Variants in AK5 observed in about 807,000 individuals in gnomAD.
The protein encoded by AK5 is adenylate kinase isoenzyme 5.
In AK5, 27 loss-of-function variants were observed where a neutral mutation model predicts 69.5. The observed-to-expected ratio is 0.39, with a 90% CI of 0.29 to 0.54. The LOEUF (loss-of-function observed/expected upper bound fraction) is 0.54. AK5 is among the 20% of genes least tolerant of loss of function. The pLI is 0.71. For synonymous variants in AK5, 260 were observed against 244.4 expected, an observed-to-expected ratio of 1.06 and a Z score of -0.60; for missense variants, 531 against 700.4, an observed-to-expected ratio of 0.76 and a Z score of 2.73.
At chr1:77,304,162 CCCCTTATTACCGA>C (rs1291646885) in intron 5 of AK5, among the ~76,000 whole-genome samples, 2 of 152,150 alleles carry the variant, frequency 1.3e-5, no homozygotes. Context: ...ACATCCGCAA[CCCCTTATTACCGA>C]CCCTTCCTGG....
Position 77,417,685 on chromosome 1 carries a change from C to A in AK5, c.1029C>A (p.Ile343=). ...DPSMILDTGE[I]IDTGSDYEDQ... ...CGATGATATTGGACACTGGAGAGATCATTGATACAGGATCTGATTATGAAG... is the reference window on the plus strand; with the variant it reads ...CGATGATATTGGACACTGGAGAGATAATTGATACAGGATCTGATTATGAAG... The change falls in exon 8 of 14, where the codon ATC becomes ATA. Residue 343 remains isoleucine, a synonymous_variant. Transcript: ENST00000354567. 3 of 1,607,558 alleles carry A rather than the reference C, an allele frequency of 1.9e-6. No homozygotes were observed. In the South Asian group the frequency reaches 3.3e-5, roughly 18 times the overall value.
intron 12 of AK5, among the ~76,000 whole-genome samples, chr1:77,529,454 A>G (rs1309823273): frequency 2.0e-5 from 3 of 151,252 alleles, no homozygotes; most frequent in Admixed American, 2.0e-4. Flanking sequence ...CTGCCTCAGC[A>G]GCGGGGATTA....
chr1:77,436,745 A>G (rs1482005418), intron 8 of AK5, among the ~76,000 whole-genome samples: 1 of 152,052 alleles, frequency 6.6e-6, no homozygotes, highest in Non-Finnish European at 1.5e-5. Flanking sequence ...TTTAACAATT[A>G]TAACTATATT....
intron 8 of AK5, among the ~76,000 whole-genome samples, chr1:77,474,194 C>T (rs1337925227): frequency 6.6e-6 from 1 of 152,206 alleles, no homozygotes; most frequent in African/African-American, 2.4e-5. Flanking sequence ...ATAGCAACTG[C>T]TCAGCAGTCT....
intron 6 of AK5, among the ~76,000 whole-genome samples, chr1:77,368,879 G>A (rs922843063): frequency 6.7e-6 from 1 of 148,252 alleles, no homozygotes; most frequent in African/African-American, 2.4e-5. Context: ...AACAATTAAA[G>A]GTGGTTATGT....
chr1:77,521,832 C>T lies in AK5; in HGVS notation c.1317C>T (p.Ile439=), dbSNP rs538601394. 1.6e-5 allele frequency: 26 copies of T among 1,613,092 alleles called. No individual in the cohort carries two copies. Among genetic ancestry groups the T allele is most frequent in the South Asian group, 2.2e-5 (2 of 91,004 alleles). The stretch of plus-strand genomic sequence containing the variant: ...CCACTCTCGCTTTGCTCCAGGGCAT[C>T]GTTTTGGAGCTCCTGAAGGAGGCCA... The part of the protein sequence containing the change: ...MERGDLVPSG[I]VLELLKEAMV... Residue 439 remains isoleucine (I), a synonymous_variant, in exon 12 of 14, where the codon ATC becomes ATT. Coordinates refer to ENST00000354567, the MANE Select transcript of AK5 (RefSeq NM_174858.3).
At chr1:77,427,995 T>G (rs898099627) in intron 8 of AK5, among the ~76,000 whole-genome samples, 1 of 152,168 alleles carries the variant, frequency 6.6e-6, no homozygotes, top group Non-Finnish European at 1.5e-5. Flanking sequence ...TCATGAAGGA[T>G]CTGCCTCCAT....
At chr1:77,391,432 C>G (rs1280024762) in intron 6 of AK5, among the ~76,000 whole-genome samples, 1 of 95,592 alleles carries the variant, frequency 1.0e-5, no homozygotes, top group Non-Finnish European at 2.0e-5. Context: ...TATATATATA[C>G]ATATATACAT....
chr1:77,501,513 C>A (rs1326530093), intron 10 of AK5, among the ~76,000 whole-genome samples: 2 of 152,172 alleles, frequency 1.3e-5, no homozygotes, highest in African/African-American at 4.8e-5. Flanking sequence ...CAAACCCATA[C>A]AGCATGTTAC....
chr1:77,481,362 T>G (rs1171506231), intron 8 of AK5, among the ~76,000 whole-genome samples: 1 of 152,128 alleles, frequency 6.6e-6, no homozygotes, highest in African/African-American at 2.4e-5. Flanking sequence ...ACAAGGGAAG[T>G]GGTGGAGAGG....
intron 6 of AK5, among the ~76,000 whole-genome samples, chr1:77,365,812 G>C (rs1455163111): frequency 6.6e-6 from 1 of 152,170 alleles, no homozygotes; most frequent in Non-Finnish European, 1.5e-5. Context: ...GGGGACCTCT[G>C]CTCTAGGTGA....
intron 8 of AK5, among the ~76,000 whole-genome samples, chr1:77,425,090 A>G (rs1451213494): frequency 2.6e-5 from 4 of 152,222 alleles, no homozygotes; most frequent in Non-Finnish European, 5.9e-5. Context: ...GAAACTTTGC[A>G]TGCAGGAAGA....
intron 8 of AK5, among the ~76,000 whole-genome samples, chr1:77,470,004 A>G (rs1654364527): frequency 6.6e-6 from 1 of 152,250 alleles, no homozygotes; most frequent in Admixed American, 6.5e-5. Context: ...ATGGTGCAGG[A>G]AAGGACAAAC....
intron 10 of AK5, among the ~76,000 whole-genome samples, chr1:77,509,965 G>A (rs1461227364): frequency 6.6e-6 from 1 of 152,146 alleles, no homozygotes; most frequent in Non-Finnish European, 1.5e-5. Flanking sequence ...CAACCAACAG[G>A]TATTGTGACC....
intron 6 of AK5, among the ~76,000 whole-genome samples, chr1:77,351,341 G>A (rs1333997976): frequency 6.6e-6 from 1 of 152,218 alleles, no homozygotes; most frequent in Non-Finnish European, 1.5e-5. Flanking sequence ...GTTGCAATGA[G>A]CCATGATTGC....
At chr1:77,487,083 C>T (rs1242174548) in intron 10 of AK5, among the ~76,000 whole-genome samples, 1 of 152,218 alleles carries the variant, frequency 6.6e-6, no homozygotes, top group Non-Finnish European at 1.5e-5. Context: ...CTAATTTGCT[C>T]TTTGCTCTAG....
At chr1:77,511,414 A>C (rs1328577306) in intron 10 of AK5, among the ~76,000 whole-genome samples, 1 of 152,274 alleles carries the variant, frequency 6.6e-6, no homozygotes, top group Non-Finnish European at 1.5e-5. Context: ...AGGATAAAGA[A>C]GGATGGAGGG....
chr1:77,401,936 T>C (rs1193855339), intron 6 of AK5, among the ~76,000 whole-genome samples: 1 of 152,242 alleles, frequency 6.6e-6, no homozygotes, highest in Non-Finnish European at 1.5e-5. Flanking sequence ...TCTCTAGCCC[T>C]CTTATATTAA....
rs1557652188 is a variant in AK5 at position 77,521,943 on chromosome 1, G to A, written c.1428G>A (p.Arg476=). 1 of 1,593,486 alleles carries A rather than the reference G, an allele frequency of 6.3e-7. No individual in the cohort carries two copies. Among genetic ancestry groups the A allele is most frequent in the Non-Finnish European group, 8.5e-7 (1 of 1,171,006 alleles). ...AGCAAGGGGAAGAGTTCGGACGCAG[G>A]GTGAGTGGTTGTTACGGGCATCCTT... ...EVKQGEEFGR[R]IGDPQLVICM... The change falls in exon 12 of 14, where the codon AGG becomes AGA. Residue 476 remains arginine, a splice_region_variant and synonymous_variant. Transcript: ENST00000354567.
Sources: allele counts gnomAD v4.1 joint callset (sites outside exome capture counted in the v4.1 genomes callset), GRCh38; gene constraint gnomAD v4.1.1; transcripts MANE v1.5; gene names NCBI Gene and HGNC (gene_info 2026-07-23, HGNC 2026-07-21).